IL15: variants seen among roughly 807,000 people sequenced by gnomAD.
IL15 encodes the protein interleukin 15, also known as interleukin-15.
Under a neutral mutation model 19.6 loss-of-function variants are expected in IL15, and 11 were observed. The ratio of observed to expected loss-of-function variants is 0.56; its 90% CI spans 0.35 to 0.93. The LOEUF is 0.93. IL15 is among the 40% of genes least tolerant of loss of function. The pLI, the probability that IL15 is intolerant of heterozygous loss-of-function variation, is 0.01. For missense variants in IL15, 197 were observed against 186.5 expected, an observed-to-expected ratio of 1.06 and a Z score of -0.33; for synonymous variants, 58 against 59.6, an observed-to-expected ratio of 0.97 and a Z score of 0.12.
Position 141,637,570 on chromosome 4 carries a change from GTGT to G in IL15, c.-222+824_-222+826del, listed in dbSNP as rs143787151. Among the ~76,000 whole-genome samples, 1,483 of 152,210 alleles carry G rather than the reference GTGT, an allele frequency of 9.7e-3. 24 individuals carry two copies. The highest frequency in any genetic ancestry group is 0.034 in the African/African-American group (1,425 of 41,524). The stretch of plus-strand genomic sequence containing the variant: ...ATGAAAATCCAGCCAATTTTTTCAA[GTGT>G]TATTAAGACCGCATGTAGCAAGGGT... On this transcript the variant is annotated intron_variant, in intron 1 of 7. Transcript: ENST00000320650.
At chr4:141,702,884 G>A (rs1421375575) in intron 2 of IL15, among the ~76,000 whole-genome samples, 1 of 152,194 alleles carries the variant, frequency 6.6e-6, no homozygotes, top group African/African-American at 2.4e-5. Flanking sequence ...GTGAGGGCAG[G>A]GTTAGGTGGG....
At chr4:141,720,935 C>T in intron 4 of IL15, 1 of 561,726 alleles carries the variant, frequency 1.8e-6, no homozygotes, top group South Asian at 2.4e-5. Flanking sequence ...CTGACTCCTC[C>T]TATCCCTTGA....
In IL15 at chr4:141,711,251, T is replaced by C. The variant is rs1447939572; in HGVS notation, c.-99-8115T>C. 3.3e-5 allele frequency among the ~76,000 whole-genome samples: 5 copies of C among 152,156 alleles called. No homozygotes were observed. The East Asian group carries it at 9.6e-4, about 29-fold the overall frequency. On this transcript the variant is annotated intron_variant, in intron 2 of 7. Coordinates refer to ENST00000320650, the MANE Select transcript of IL15 (RefSeq NM_000585.5). ...ATTAGCAGGATGTAGAGAAAGCCCA[T>C]TGCAAGTTACATCTTATGAAATTAT...
intron 2 of IL15, among the ~76,000 whole-genome samples, chr4:141,707,563 G>A (rs930369213): frequency 2.6e-5 from 4 of 152,084 alleles, no homozygotes; most frequent in Non-Finnish European, 4.4e-5. Flanking sequence ...GACATTTCCT[G>A]TAGATAAATC....
At chr4:141,719,962 A>G (rs1730019069) in intron 3 of IL15, among the ~76,000 whole-genome samples, 1 of 152,296 alleles carries the variant, frequency 6.6e-6, no homozygotes, top group African/African-American at 2.4e-5. Context: ...CACTCTCAAG[A>G]TGGAATACAG....
chr4:141,670,903 G>A (rs191466037), intron 2 of IL15, among the ~76,000 whole-genome samples: 95 of 152,276 alleles, frequency 6.2e-4, no homozygotes, highest in African/African-American at 2.1e-3. Context: ...GTGAAAAATA[G>A]CTAAAACAAC....
At chr4:141,668,031 C>A (rs56852910) in intron 2 of IL15, among the ~76,000 whole-genome samples, 3,998 of 152,070 alleles carry the variant, frequency 0.026, 173 homozygotes, top group African/African-American at 0.091. Flanking sequence ...AGTAAAGTTC[C>A]CTTTACAGAA....
chr4:141,640,665 T>A (rs144996332), intron 1 of IL15, among the ~76,000 whole-genome samples: 14 of 152,318 alleles, frequency 9.2e-5, no homozygotes, highest in African/African-American at 3.1e-4. Flanking sequence ...TAATATTATT[T>A]GTCCACATTT....
intron 7 of IL15, 95 bp downstream of exon 7, chr4:141,730,079 A>G (rs1730402932): frequency 1.0e-6 from 1 of 963,116 alleles, no homozygotes; most frequent in East Asian, 2.4e-5. Flanking sequence ...CTAAGGGGCA[A>G]TCAGGAGAAG....
intron 2 of IL15, among the ~76,000 whole-genome samples, chr4:141,691,296 G>T (rs1431840266): frequency 6.6e-6 from 1 of 152,126 alleles, no homozygotes; most frequent in African/African-American, 2.4e-5. Flanking sequence ...TACAATTCAA[G>T]ATGAGATTTG....
At chr4:141,664,112 C>A (rs1727884298) in intron 2 of IL15, among the ~76,000 whole-genome samples, 1 of 152,080 alleles carries the variant, frequency 6.6e-6, no homozygotes, top group Admixed American at 6.6e-5. Context: ...AACCCTGCTA[C>A]TGATGCTGTA....
chr4:141,711,374 C>G (rs1319796097), intron 2 of IL15, among the ~76,000 whole-genome samples: 1 of 151,972 alleles, frequency 6.6e-6, no homozygotes, highest in Non-Finnish European at 1.5e-5. Context: ...AATTAGTGTG[C>G]TATTTAGGAT....
At chr4:141,672,525 G>A (rs1357978283) in intron 2 of IL15, among the ~76,000 whole-genome samples, 1 of 152,120 alleles carries the variant, frequency 6.6e-6, no homozygotes, top group Non-Finnish European at 1.5e-5. Context: ...TATTTCTGTT[G>A]TTTTGAAGTC....
chr4:141,640,599 A>T (rs2152149035), intron 1 of IL15, among the ~76,000 whole-genome samples: 1 of 152,286 alleles, frequency 6.6e-6, no homozygotes, highest in African/African-American at 2.4e-5. Context: ...AAAGTTGTTT[A>T]GTGCTGGAGT....
At position 141,641,671 on chromosome 4, in the gene IL15, T is replaced by C. The variant is rs190490658; in HGVS notation, c.-222+4923T>C. On this transcript the variant is annotated intron_variant, in intron 1 of 7. Coordinates refer to ENST00000320650, the MANE Select transcript of IL15 (RefSeq NM_000585.5). ...ACACCTGGACACAGGAAGGGGAACA[T>C]CACACACCGGGGCCTGTCATGGGGT... 3.7e-3 allele frequency among the ~76,000 whole-genome samples: 438 copies of C among 118,188 alleles called. 2 individuals are homozygous for C. The highest frequency in any genetic ancestry group is 0.014 in the African/African-American group (422 of 30,760). 77.5% of individuals were successfully genotyped at this position (118,188 alleles called of 152,430 possible). A position where few individuals can be genotyped will look rare whatever the true frequency, so the allele number is the denominator to read the frequency against.
chr4:141,653,175 A>C (rs971971897), intron 1 of IL15, among the ~76,000 whole-genome samples: 1 of 152,182 alleles, frequency 6.6e-6, no homozygotes, highest in African/African-American at 2.4e-5. Flanking sequence ...ATGATGAAGG[A>C]TAATTCAATT....
At chr4:141,732,340 G>A (rs772221432) in intron 7 of IL15, among the ~76,000 whole-genome samples, 1 of 152,174 alleles carries the variant, frequency 6.6e-6, no homozygotes, top group African/African-American at 2.4e-5. Context: ...TGCTCACTCA[G>A]TGTTTCTAGG....
At chr4:141,693,522 C>A (rs1159487563) in intron 2 of IL15, among the ~76,000 whole-genome samples, 1 of 152,176 alleles carries the variant, frequency 6.6e-6, no homozygotes, top group African/African-American at 2.4e-5. Flanking sequence ...GTCCCTAAAT[C>A]TCTTTGCACT....
chr4:141,661,327 G>A (rs1460401016), intron 2 of IL15, among the ~76,000 whole-genome samples: 1 of 152,202 alleles, frequency 6.6e-6, no homozygotes, highest in Non-Finnish European at 1.5e-5. Context: ...CAAATAGGGA[G>A]TCATTCCTGG....
Sources: allele counts gnomAD v4.1 joint callset (sites outside exome capture counted in the v4.1 genomes callset), GRCh38; gene constraint gnomAD v4.1.1; transcripts MANE v1.5; gene names NCBI Gene and HGNC (gene_info 2026-07-23, HGNC 2026-07-21).